Variants in CNTNAP2 observed in about 807,000 individuals in gnomAD.
The protein encoded by CNTNAP2 is contactin associated protein 2.
In CNTNAP2, 98 loss-of-function variants were observed where a neutral mutation model predicts 155.2. The observed-to-expected ratio is 0.63, with a 90% CI of 0.54 to 0.75. The LOEUF is 0.75. CNTNAP2 is among the 30% of genes least tolerant of loss of function. The probability of loss-of-function intolerance (pLI) is 0.00; values close to 1 mark genes in which losing one functional copy is unlikely to be tolerated. For missense variants in CNTNAP2, 1,727 were observed against 1,688.1 expected, an observed-to-expected ratio of 1.02 and a Z score of -0.40; for synonymous variants, 651 against 631.2, an observed-to-expected ratio of 1.03 and a Z score of -0.47.
At chr7:146,292,345 A>G (rs1405337913) in intron 1 of CNTNAP2, among the ~76,000 whole-genome samples, 1 of 152,182 alleles carries the variant, frequency 6.6e-6, no homozygotes, top group Non-Finnish European at 1.5e-5. Context: ...CCTGCAAAGG[A>G]CATGATCTTG....
intron 8 of CNTNAP2, among the ~76,000 whole-genome samples, chr7:147,290,765 C>T (rs971656944): frequency 6.6e-6 from 1 of 151,272 alleles, no homozygotes; most frequent in Non-Finnish European, 1.5e-5. Flanking sequence ...TACCTGTTTG[C>T]AGGTTGAGAC....
At chr7:146,597,703 G>C (rs924858819) in intron 1 of CNTNAP2, among the ~76,000 whole-genome samples, 2 of 151,988 alleles carry the variant, frequency 1.3e-5, no homozygotes, top group Non-Finnish European at 2.9e-5. Context: ...TTTGGATTGA[G>C]TTCTAAAGTT....
At position 146,840,381 on chromosome 7, in the gene CNTNAP2, A is replaced by G. The variant is rs188306197; in HGVS notation, c.402+477A>G. Among the ~76,000 whole-genome samples the G allele has an allele frequency of 2.6e-5, 4 of 152,320 alleles. No homozygotes were observed. In the East Asian group the frequency reaches 7.7e-4, roughly 29 times the overall value. On this transcript the variant is annotated intron_variant, in intron 3 of 23. Coordinates refer to ENST00000361727, the MANE Select transcript of CNTNAP2 (RefSeq NM_014141.6). ...AGATCTATGTTCACTTTATTCCTTT[A>G]TTATGAAAGAAGAGAATAAAGCTTA...
At chr7:148,151,392 G>A (rs937369982) in intron 17 of CNTNAP2, among the ~76,000 whole-genome samples, 3 of 151,996 alleles carry the variant, frequency 2.0e-5, no homozygotes, top group African/African-American at 7.3e-5. Flanking sequence ...TGCAACCTCT[G>A]CCTCCCAGGT....
At chr7:147,087,827 A>C (rs1229333145) in intron 4 of CNTNAP2, among the ~76,000 whole-genome samples, 1 of 152,100 alleles carries the variant, frequency 6.6e-6, no homozygotes, top group Middle Eastern at 3.4e-3. Flanking sequence ...AAATACAAAA[A>C]TTAGCTGGGC....
intron 1 of CNTNAP2, among the ~76,000 whole-genome samples, chr7:146,684,476 ACT>A (rs1800559415): frequency 6.6e-6 from 1 of 152,022 alleles, no homozygotes; most frequent in Non-Finnish European, 1.5e-5. Flanking sequence ...TTATTTGACT[ACT>A]CTAAATCTCT....
chr7:147,581,939 T>G (rs10240182), intron 12 of CNTNAP2, among the ~76,000 whole-genome samples: 103,879 of 152,016 alleles, frequency 0.68, 35,937 homozygotes, highest in African/African-American at 0.78. Flanking sequence ...GAATGTAATG[T>G]GAGATTATAT....
At chr7:147,877,559 T>G (rs974866393) in intron 13 of CNTNAP2, among the ~76,000 whole-genome samples, 1 of 152,236 alleles carries the variant, frequency 6.6e-6, no homozygotes, top group Non-Finnish European at 1.5e-5. Flanking sequence ...AACCCTTCAT[T>G]TATTTCATAG....
chr7:146,826,857 T>TAGAGAGAGAG (rs1554485885), intron 2 of CNTNAP2, among the ~76,000 whole-genome samples: 44 of 138,976 alleles, frequency 3.2e-4, no homozygotes, highest in African/African-American at 1.1e-3. Context: ...TATATATATA[T>TAGAGAGAGAG]AGAGAGAGAG....
intron 1 of CNTNAP2, among the ~76,000 whole-genome samples, chr7:146,646,130 A>G (rs1215704388): frequency 6.6e-6 from 1 of 152,160 alleles, no homozygotes; most frequent in African/African-American, 2.4e-5. Flanking sequence ...AGTAAGTCTC[A>G]CCCATTCTTG....
intron 13 of CNTNAP2, among the ~76,000 whole-genome samples, chr7:147,641,919 T>A (rs1795284359): frequency 6.6e-6 from 1 of 152,134 alleles, no homozygotes. Context: ...GGGTTCCAAG[T>A]GATGCTGATA....
At chr7:146,483,327 A>ATG (rs1298297704) in intron 1 of CNTNAP2, among the ~76,000 whole-genome samples, 1 of 86,940 alleles carries the variant, frequency 1.2e-5, no homozygotes, top group East Asian at 2.7e-4. Flanking sequence ...ATATATATAT[A>ATG]TACATATATA....
chr7:147,863,173 A>T (rs1799166095), intron 13 of CNTNAP2, among the ~76,000 whole-genome samples: 1 of 152,144 alleles, frequency 6.6e-6, no homozygotes, highest in Admixed American at 6.5e-5. Context: ...AAGTGAGAAC[A>T]TGTGGTGTTT....
chr7:147,737,359 T>C (rs1796870285), intron 13 of CNTNAP2, among the ~76,000 whole-genome samples: 1 of 152,164 alleles, frequency 6.6e-6, no homozygotes, highest in Non-Finnish European at 1.5e-5. Flanking sequence ...ACAGCAAATG[T>C]TGCTGCCTGA....
intron 1 of CNTNAP2, among the ~76,000 whole-genome samples, chr7:146,729,786 C>T (rs941110154): frequency 1.7e-4 from 26 of 152,044 alleles, no homozygotes; most frequent in Admixed American, 7.2e-4. Flanking sequence ...CTAAAACCCT[C>T]GGAAAGATTT....
chr7:147,426,067 T>C (rs532635503), intron 10 of CNTNAP2, among the ~76,000 whole-genome samples: 14 of 152,158 alleles, frequency 9.2e-5, no homozygotes, highest in Non-Finnish European at 1.9e-4. Flanking sequence ...AATTTTATCT[T>C]GAGCAGAATT....
chr7:147,806,021 A>G (rs1469451127), intron 13 of CNTNAP2, among the ~76,000 whole-genome samples: 1 of 152,208 alleles, frequency 6.6e-6, no homozygotes, highest in Admixed American at 6.5e-5. Flanking sequence ...CAAGCTAAAA[A>G]TCTCCACACA....
chr7:147,656,457 A>G (rs1398808479), intron 13 of CNTNAP2, among the ~76,000 whole-genome samples: 2 of 152,182 alleles, frequency 1.3e-5, no homozygotes, highest in Non-Finnish European at 1.5e-5. Flanking sequence ...CTTAGAGGCC[A>G]TCTTATGGTT....
chr7:146,323,027 A>G (rs1801033535), intron 1 of CNTNAP2, among the ~76,000 whole-genome samples: 1 of 152,084 alleles, frequency 6.6e-6, no homozygotes, highest in African/African-American at 2.4e-5. Flanking sequence ...ATGCCATCTA[A>G]TTAAATGTCT....
Sources: gnomAD v4.1 joint callset for allele counts (sites outside exome capture counted in the v4.1 genomes callset) on GRCh38, gnomAD v4.1.1 for gene constraint, MANE v1.5 for transcripts, NCBI Gene and HGNC (gene_info 2026-07-23, HGNC 2026-07-21) for gene names.